The following SNX13 variants were observed in gnomAD, a reference collection of about 807,000 sequenced individuals.
SNX13 encodes the protein sorting nexin-13.
Under a neutral mutation model 133.6 loss-of-function variants are expected in SNX13, and 45 were observed. The observed-to-expected ratio is 0.34, with a 90% confidence interval of 0.27 to 0.43. The LOEUF (loss-of-function observed/expected upper bound fraction) is 0.43. Ranked by LOEUF, SNX13 falls within the 20% of genes least tolerant of loss-of-function variation. The probability of loss-of-function intolerance (pLI) is 1.00; values close to 1 mark genes in which losing one functional copy is unlikely to be tolerated. For missense variants in SNX13, 1,032 were observed against 1,145.1 expected (o/e 0.90, Z 1.43); for synonymous variants, 414 against 373.9 (o/e 1.11, Z -1.24).
intron 8 of SNX13, among the ~76,000 whole-genome samples, chr7:17,870,430 T>C (rs1342651128): frequency 1.3e-5 from 2 of 152,226 alleles, no homozygotes; most frequent in African/African-American, 4.8e-5. Flanking sequence ...ACTGACTTGC[T>C]GAATGCATGG....
intron 1 of SNX13, among the ~76,000 whole-genome samples, chr7:17,915,562 C>T (rs1799460430): frequency 6.6e-6 from 1 of 152,172 alleles, no homozygotes; most frequent in South Asian, 2.1e-4. Context: ...TGTGGTGGAG[C>T]AGCCCAACAG....
At chr7:17,913,760 C>CAA (rs71010278) in intron 1 of SNX13, among the ~76,000 whole-genome samples, 93 of 54,044 alleles carry the variant, frequency 1.7e-3, no homozygotes, top group Non-Finnish European at 2.0e-3. Flanking sequence ...TTAACAAAAA[C>CAA]AAAAAAAAAA....
At chr7:17,937,023 A>T (rs1802142287) in intron 1 of SNX13, among the ~76,000 whole-genome samples, 1 of 150,510 alleles carries the variant, frequency 6.6e-6, no homozygotes, top group South Asian at 2.1e-4. Flanking sequence ...AATAAAATAA[A>T]AAAAAAAAAA....
intron 8 of SNX13, among the ~76,000 whole-genome samples, chr7:17,871,816 C>G (rs1279440615): frequency 6.6e-6 from 1 of 152,184 alleles, no homozygotes; most frequent in Non-Finnish European, 1.5e-5. Flanking sequence ...ACTACACTTA[C>G]TGTCCAGTTC....
In SNX13 at chr7:17,834,970, G is replaced by A. The variant is rs546650095; in HGVS notation, c.1360-105C>T. On this transcript the variant is annotated intron_variant, in intron 13 of 25. Coordinates refer to ENST00000428135, the MANE Select transcript of SNX13 (RefSeq NM_015132.5). ...TCATATTATTGAAAATAACTGGCAGGTAAGAATCATTGGTTTGTAAACGAC... is the reference window on the plus strand; with the variant it reads ...TCATATTATTGAAAATAACTGGCAGATAAGAATCATTGGTTTGTAAACGAC... The A allele has an allele frequency of 2.5e-5, 17 of 671,490 alleles. No homozygotes were observed. In the South Asian group the frequency reaches 2.7e-4, roughly 11 times the overall value. 41.6% of individuals were successfully genotyped at this position (671,490 alleles called of 1,614,324 possible).
intron 12 of SNX13, among the ~76,000 whole-genome samples, chr7:17,840,361 T>A (rs1247730046): frequency 6.6e-6 from 1 of 151,888 alleles, no homozygotes. Flanking sequence ...AAACCATATA[T>A]TTATATTTTT....
chr7:17,910,778 T>G (rs552412779), intron 1 of SNX13, among the ~76,000 whole-genome samples: 2 of 152,292 alleles, frequency 1.3e-5, no homozygotes, highest in African/African-American at 4.8e-5. Context: ...TTATGTTAAA[T>G]GAAAGAAGCC....
chr7:17,803,228 G>A (rs1027524229), intron 21 of SNX13, among the ~76,000 whole-genome samples, 191 bp downstream of exon 21: 11 of 152,132 alleles, frequency 7.2e-5, no homozygotes, highest in Admixed American at 1.3e-4. Context: ...TAACAAGCAA[G>A]TGGATTTTAC....
chr7:17,867,416 G>C (rs1430859559), intron 9 of SNX13, among the ~76,000 whole-genome samples: 2 of 152,050 alleles, frequency 1.3e-5, no homozygotes, highest in Non-Finnish European at 2.9e-5. Context: ...TGACTGGCTA[G>C]GGCTACATAG....
At chr7:17,821,800 G>T in intron 17 of SNX13, 152 bp from the exon 18 acceptor site, 2 of 825,158 alleles carry the variant, frequency 2.4e-6, no homozygotes, top group Non-Finnish European at 3.6e-6. Flanking sequence ...GAGACAGAAG[G>T]ATGTCAGCAA....
rs1794038034 is a variant in SNX13 at position 17,871,013 on chromosome 7, TC to T, written c.753+2514del. Reference sequence around the variant, plus strand: ...GGAATCGGGTTTTCTTTTTTTTTTTTCTTTTTTTTTGAGAGGGAGTCTGGCT... The same window carrying T: ...GGAATCGGGTTTTCTTTTTTTTTTTTTTTTTTTTTGAGAGGGAGTCTGGCT... On this transcript the variant is annotated intron_variant, in intron 8 of 25. Coordinates refer to ENST00000428135, the MANE Select transcript of SNX13 (RefSeq NM_015132.5). Among the ~76,000 whole-genome samples the T allele has an allele frequency of 3.8e-4, 57 of 151,804 alleles. 2 individuals carry two copies. In the South Asian group the frequency reaches 0.011, roughly 31 times the overall value.
intron 11 of SNX13, 54 bp from the exon 12 acceptor site, chr7:17,845,748 A>G: frequency 8.1e-7 from 1 of 1,229,084 alleles, no homozygotes; most frequent in Non-Finnish European, 1.1e-6. Context: ...TCATTGTTAA[A>G]GATGTGTACA....
At chr7:17,842,948 G>A (rs1315501441) in intron 12 of SNX13, among the ~76,000 whole-genome samples, 1 of 151,516 alleles carries the variant, frequency 6.6e-6, no homozygotes. Context: ...ATACATAAGA[G>A]GAATGAGAAA....
chr7:17,878,949 C>T (rs1795037319), intron 5 of SNX13, among the ~76,000 whole-genome samples: 1 of 152,020 alleles, frequency 6.6e-6, no homozygotes, highest in African/African-American at 2.4e-5. Flanking sequence ...TCCTTCTCTC[C>T]CCCCATTCAC....
At chr7:17,870,059 A>G (rs1702240897) in intron 8 of SNX13, among the ~76,000 whole-genome samples, 1 of 152,194 alleles carries the variant, frequency 6.6e-6, no homozygotes, top group Non-Finnish European at 1.5e-5. Context: ...AGGGCTAGTC[A>G]TATGACTCAA....
At chr7:17,897,235 G>T in intron 2 of SNX13, 99 bp downstream of exon 2, 2 of 542,470 alleles carry the variant, frequency 3.7e-6, no homozygotes, top group African/African-American at 2.0e-5. Context: ...ATTAAAAATG[G>T]CATTCACAAA....
intron 11 of SNX13, among the ~76,000 whole-genome samples, chr7:17,849,042 A>C (rs1790893946): frequency 6.6e-6 from 1 of 152,174 alleles, no homozygotes; most frequent in Non-Finnish European, 1.5e-5. Flanking sequence ...CAGGCTCTCA[A>C]CATTAAACAT....
intron 1 of SNX13, among the ~76,000 whole-genome samples, chr7:17,933,281 T>C (rs1015679337): frequency 2.6e-5 from 4 of 152,180 alleles, no homozygotes; most frequent in Non-Finnish European, 5.9e-5. Context: ...CAGTGGCTCA[T>C]GCCTGTAATC....
At chr7:17,795,195 A>G (rs998209515) in intron 25 of SNX13, 6 of 151,714 alleles carry the variant, frequency 4.0e-5, no homozygotes, top group African/African-American at 1.4e-4. Context: ...TTGGTGTTTA[A>G]TCATAAATAA....
Sources: allele counts gnomAD v4.1 joint callset (sites outside exome capture counted in the v4.1 genomes callset), GRCh38; gene constraint gnomAD v4.1.1; transcripts MANE v1.5; gene names NCBI Gene and HGNC (gene_info 2026-07-23, HGNC 2026-07-21).